TRIM9: variants seen among roughly 807,000 people sequenced by gnomAD.
TRIM9 encodes the protein E3 ubiquitin-protein ligase TRIM9.
TRIM9 carries 26 observed loss-of-function variants against 78.3 expected under a neutral mutation model. That is an observed-to-expected ratio of 0.33 (90% confidence interval 0.24 to 0.46). The LOEUF (loss-of-function observed/expected upper bound fraction) is 0.46. Ranked by LOEUF, TRIM9 falls within the 20% of genes least tolerant of loss-of-function variation. The probability of loss-of-function intolerance (pLI) is 1.00; values close to 1 mark genes in which losing one functional copy is unlikely to be tolerated. For missense variants in TRIM9, 787 were observed against 1,036.4 expected (o/e 0.76, Z 3.30); for synonymous variants, 398 against 416.5 (o/e 0.96, Z 0.54).
At chr14:51,024,799 A>AGGG (rs2058067956) in intron 2 of TRIM9, among the ~76,000 whole-genome samples, 1 of 152,142 alleles carries the variant, frequency 6.6e-6, no homozygotes, top group Admixed American at 6.5e-5. Context: ...AAAAAAGAGG[A>AGGG]AGAAGGAACA....
intron 7 of TRIM9, among the ~76,000 whole-genome samples, chr14:50,995,329 G>A (rs1321477255): frequency 2.6e-5 from 4 of 151,808 alleles, no homozygotes. Flanking sequence ...TTTCTCTAAG[G>A]CTTGTTTCCT....
chr14:50,991,314 C>T (rs759343173), intron 7 of TRIM9, among the ~76,000 whole-genome samples: 1 of 152,146 alleles, frequency 6.6e-6, no homozygotes, highest in Non-Finnish European at 1.5e-5. Flanking sequence ...GCAAGAAATT[C>T]CCTGGGATAT....
chr14:50,997,820 C>A, intron 7 of TRIM9: 1 of 1,381,690 alleles, frequency 7.2e-7, no homozygotes, highest in Middle Eastern at 2.7e-4. Context: ...TCAAAGGAAG[C>A]CGCCGGCCCA....
intron 8 of TRIM9, among the ~76,000 whole-genome samples, chr14:50,984,110 G>A (rs1051050348): frequency 1.3e-5 from 2 of 152,134 alleles, no homozygotes; most frequent in African/African-American, 2.4e-5. Context: ...TGTACCCCAT[G>A]AGAAATTACA....
chr14:51,049,577 C>T (rs2060226321), intron 1 of TRIM9, among the ~76,000 whole-genome samples: 2 of 152,080 alleles, frequency 1.3e-5, no homozygotes, highest in Non-Finnish European at 2.9e-5. Flanking sequence ...CCTGTAATCC[C>T]AGCACTTTGG....
At chr14:51,068,664 C>T (rs1407258056) in intron 1 of TRIM9, among the ~76,000 whole-genome samples, 1 of 152,156 alleles carries the variant, frequency 6.6e-6, no homozygotes, top group Non-Finnish European at 1.5e-5. Flanking sequence ...CTTGGCCAGA[C>T]ACTGTTTTGC....
chr14:51,089,504 A>G (rs2064109710), intron 1 of TRIM9: 1 of 152,162 alleles, frequency 6.6e-6, no homozygotes, highest in Admixed American at 6.5e-5. Context: ...TTGACCTGAA[A>G]CTCCAATTAA....
At chr14:51,048,117 C>G (rs2060096450) in intron 1 of TRIM9, among the ~76,000 whole-genome samples, 1 of 152,218 alleles carries the variant, frequency 6.6e-6, no homozygotes, top group Non-Finnish European at 1.5e-5. Flanking sequence ...AATGTTAGAA[C>G]AATGAATATA....
intron 2 of TRIM9, among the ~76,000 whole-genome samples, chr14:51,024,419 G>T (rs1022763243): frequency 2.0e-5 from 3 of 152,192 alleles, no homozygotes; most frequent in Non-Finnish European, 2.9e-5. Flanking sequence ...CTTTGAAAGG[G>T]TGGCTTACAT....
At chr14:51,051,709 G>A (rs1428844318) in intron 1 of TRIM9, among the ~76,000 whole-genome samples, 3 of 152,180 alleles carry the variant, frequency 2.0e-5, no homozygotes, top group Non-Finnish European at 4.4e-5. Flanking sequence ...GCTCACACCT[G>A]TAATCCCAGC....
At chr14:51,011,850 A>T (rs1323994696) in intron 3 of TRIM9, among the ~76,000 whole-genome samples, 1 of 152,190 alleles carries the variant, frequency 6.6e-6, no homozygotes, top group Admixed American at 6.5e-5. Context: ...TGTATATGAC[A>T]ATTTTACCTT....
At chr14:50,996,514 C>G (rs1157473050) in intron 7 of TRIM9, 1 of 985,286 alleles carries the variant, frequency 1.0e-6, no homozygotes, top group African/African-American at 1.7e-5. Flanking sequence ...TCCCGCAGAT[C>G]TGATAACACA....
In TRIM9 at chr14:50,979,495, A is replaced by G; in HGVS notation, c.2217T>C (p.Asn739=). The G allele has an allele frequency of 1.9e-6, 3 of 1,614,176 alleles. No homozygotes were observed. The highest frequency in any genetic ancestry group is 2.5e-6 in the Non-Finnish European group (3 of 1,180,012). Residue 739 remains asparagine, a synonymous_variant, in exon 12 of 13, where the codon AAT becomes AAC. Coordinates refer to ENST00000684578, the MANE Select transcript of TRIM9 (RefSeq NM_001387360.1). The part of the protein sequence containing the change: ...GATIGVLLDL[N]RKNLTFFIND... ...TGATAAAAAATGTCAAGTTTTTTCT[A>G]TTTAAGTCGAGGAGGACCCCAATTG...
chr14:51,093,226 A>G lies in TRIM9; in HGVS notation c.822+892T>C, dbSNP rs557125521. On this transcript the variant is annotated intron_variant, in intron 1 of 12. Transcript: ENST00000684578. ...TGCTAAAGCCTCTTCGTGTCTAGCC[A>G]TGGTGGAAATATCATCAAAAGAGAC... is the stretch of plus-strand genomic sequence containing the variant. Among the ~76,000 whole-genome samples the G allele has an allele frequency of 3.3e-5, 5 of 152,344 alleles. No individual in the cohort carries two copies. In the South Asian group the frequency reaches 1.0e-3, roughly 32 times the overall value.
intron 2 of TRIM9, among the ~76,000 whole-genome samples, chr14:51,023,637 T>G (rs919130207): frequency 1.3e-5 from 2 of 152,238 alleles, no homozygotes; most frequent in African/African-American, 4.8e-5. Flanking sequence ...TATAACCTTT[T>G]TATTTGATTT....
chr14:51,070,516 A>AT (rs199920531), intron 1 of TRIM9, among the ~76,000 whole-genome samples: 35,785 of 144,122 alleles, frequency 0.25, 4,441 homozygotes, highest in African/African-American at 0.3. Context: ...AGTGTTTCAG[A>AT]TTTTTTTTTT....
In TRIM9 at chr14:51,031,091, T is replaced by G. The variant is rs1195644335; in HGVS notation, c.823-5731A>C. On this transcript the variant is annotated intron_variant, in intron 1 of 12. Transcript: ENST00000684578. Reference sequence around the variant, plus strand: ...TGAACCTGAGAGGCGGAGGTTGCAGTGAGCTGTGATTGCGCCATTGCACTC... The same window carrying G: ...TGAACCTGAGAGGCGGAGGTTGCAGGGAGCTGTGATTGCGCCATTGCACTC... Among the ~76,000 whole-genome samples the G allele has an allele frequency of 2.2e-5, 3 of 133,626 alleles. No individual in the cohort carries two copies. The Admixed American group carries it at 2.8e-4, about 13-fold the overall frequency. 87.7% of individuals were successfully genotyped at this position (133,626 alleles called of 152,430 possible). A position where few individuals can be genotyped will look rare whatever the true frequency, so the allele number is the denominator to read the frequency against.
At chr14:51,027,433 C>T (rs536207778) in intron 1 of TRIM9, among the ~76,000 whole-genome samples, 6 of 152,080 alleles carry the variant, frequency 3.9e-5, no homozygotes, top group South Asian at 4.1e-4. Context: ...TGTGAGCCAC[C>T]GTGCCCAACC....
Position 51,095,070 on chromosome 14 carries a change from CACTGGCACGGACACCCAGA to C in TRIM9, c.-150_-132del. 1 of 596,018 alleles carries C rather than the reference CACTGGCACGGACACCCAGA, an allele frequency of 1.7e-6. No individual in the cohort carries two copies. Among genetic ancestry groups the C allele is most frequent in the Non-Finnish European group, 2.5e-6 (1 of 392,256 alleles). 36.9% of individuals were successfully genotyped at this position (596,018 alleles called of 1,614,324 possible). A position where few individuals can be genotyped will look rare whatever the true frequency, so the allele number is the denominator to read the frequency against. ...GTGGTGGTGGTGCCTTCCCGCGCAG[CACTGGCACGGACACCCAGA>C]GAGGCGCTAGCTCTGTGAGCCGCAG... On this transcript the variant is annotated 5_prime_UTR_variant, in exon 1 of 13. Transcript: ENST00000684578.
Sources: allele counts gnomAD v4.1 joint callset (sites outside exome capture counted in the v4.1 genomes callset), GRCh38; gene constraint gnomAD v4.1.1; transcripts MANE v1.5; gene names NCBI Gene and HGNC (gene_info 2026-07-23, HGNC 2026-07-21).